The following XKR6 variants were observed in gnomAD, a reference collection of about 807,000 sequenced individuals.
The protein encoded by XKR6 is XK-related protein 6.
XKR6 carries 22 observed loss-of-function variants against 56.7 expected under a neutral mutation model. That is an observed-to-expected ratio of 0.39 (90% CI 0.28 to 0.55). The LOEUF (loss-of-function observed/expected upper bound fraction) is 0.55, where lower values mean the gene tolerates loss of function less well. XKR6 is among the 20% of genes least tolerant of loss of function. The probability of loss-of-function intolerance (pLI) is 0.66; values close to 1 mark genes in which losing one functional copy is unlikely to be tolerated. For missense variants in XKR6, 852 were observed against 889.0 expected, an observed-to-expected ratio of 0.96 and a Z score of 0.53; for synonymous variants, 524 against 387.8, an observed-to-expected ratio of 1.35 and a Z score of -4.13.
At chr8:10,999,075 A>C (rs1480216810) in intron 1 of XKR6, among the ~76,000 whole-genome samples, 2 of 152,138 alleles carry the variant, frequency 1.3e-5, no homozygotes, top group Admixed American at 6.5e-5. Flanking sequence ...TCTTACAAAA[A>C]CGTTTGTTTT....
intron 1 of XKR6, among the ~76,000 whole-genome samples, chr8:10,948,560 T>C (rs1464485249): frequency 6.6e-6 from 1 of 152,160 alleles, no homozygotes; most frequent in African/African-American, 2.4e-5. Flanking sequence ...CCTGGTCGGC[T>C]GCCCAGAGAT....
chr8:11,126,226 G>A (rs188034586), intron 1 of XKR6, among the ~76,000 whole-genome samples: 2 of 151,792 alleles, frequency 1.3e-5, no homozygotes, highest in Admixed American at 6.6e-5. Flanking sequence ...GCACTACCAC[G>A]CCCGGCTAAT....
At chr8:11,144,333 C>A (rs1277561964) in intron 1 of XKR6, among the ~76,000 whole-genome samples, 2 of 148,580 alleles carry the variant, frequency 1.3e-5, no homozygotes, top group African/African-American at 2.5e-5. Context: ...GGGTATAACC[C>A]CAGAAGGAAA....
At chr8:11,033,943 G>C (rs1392227113) in intron 1 of XKR6, among the ~76,000 whole-genome samples, 1 of 152,188 alleles carries the variant, frequency 6.6e-6, no homozygotes, top group Non-Finnish European at 1.5e-5. Context: ...AAGCAGCTTG[G>C]CCAGCCAGGA....
intron 1 of XKR6, among the ~76,000 whole-genome samples, chr8:11,190,727 C>T (rs968747299): frequency 6.6e-6 from 1 of 152,210 alleles, no homozygotes; most frequent in African/African-American, 2.4e-5. Context: ...ATAAGCCAGA[C>T]AACAACGTCC....
chr8:11,100,794 T>C (rs142029642), intron 1 of XKR6, among the ~76,000 whole-genome samples: 428 of 152,354 alleles, frequency 2.8e-3, no homozygotes, highest in Non-Finnish European at 4.8e-3. Flanking sequence ...CTGTTTTTAG[T>C]TTGGCTATGA....
chr8:11,126,063 T>G lies in XKR6; in HGVS notation c.764+74513A>C, dbSNP rs374351782. 150 of 152,458 alleles carry G rather than the reference T, an allele frequency of 9.8e-4. 5 individuals are homozygous for G. The East Asian group carries it at 0.026, about 27-fold the overall frequency. 9.4% of individuals were successfully genotyped at this position (152,458 alleles called of 1,614,324 possible). A position where few individuals can be genotyped will look rare whatever the true frequency, so the allele number is the denominator to read the frequency against. On this transcript the variant is annotated intron_variant, in intron 1 of 2. Transcript: ENST00000416569. The stretch of plus-strand genomic sequence containing the variant: ...CAGTTTTTTTTTGGTGGTTTTTGTT[T>G]TTTTTTTTTTGTTTTGTTTTTTTGA...
chr8:10,952,718 C>T (rs1054063355), intron 1 of XKR6, among the ~76,000 whole-genome samples: 5 of 152,174 alleles, frequency 3.3e-5, no homozygotes, highest in African/African-American at 1.2e-4. Flanking sequence ...GAGGTGGGGC[C>T]TGGTGGGAGG....
At chr8:11,155,208 G>C (rs1801459567) in intron 1 of XKR6, among the ~76,000 whole-genome samples, 1 of 152,154 alleles carries the variant, frequency 6.6e-6, no homozygotes, top group Non-Finnish European at 1.5e-5. Flanking sequence ...TGTTACCAAA[G>C]CCTTACTGTC....
intron 1 of XKR6, among the ~76,000 whole-genome samples, chr8:11,090,821 A>C (rs1798042272): frequency 6.6e-6 from 1 of 152,182 alleles, no homozygotes; most frequent in African/African-American, 2.4e-5. Context: ...TCTGCCTACC[A>C]TCTGGGGCTT....
rs989216550 is a variant in XKR6 at position 11,110,398 on chromosome 8, C to T, written c.764+90178G>A. 3.3e-5 allele frequency among the ~76,000 whole-genome samples: 5 copies of T among 152,174 alleles called. No homozygotes were observed. In the East Asian group the frequency reaches 9.6e-4, roughly 29 times the overall value. ...GGGTAGACTATTCAGCTTCCAAAAG[C>T]CATCTAATAGAAATGTTATGAAAAC... On this transcript the variant is annotated intron_variant, in intron 1 of 2. Coordinates refer to ENST00000416569, the MANE Select transcript of XKR6 (RefSeq NM_173683.4).
At chr8:11,196,666 T>G (rs1354335005) in intron 1 of XKR6, among the ~76,000 whole-genome samples, 1 of 152,276 alleles carries the variant, frequency 6.6e-6, no homozygotes, top group Non-Finnish European at 1.5e-5. Flanking sequence ...GGAATAAGCC[T>G]GAAATCCAGT....
chr8:11,106,921 C>T (rs950950409), intron 1 of XKR6, among the ~76,000 whole-genome samples: 3 of 150,702 alleles, frequency 2.0e-5, no homozygotes, highest in Admixed American at 6.6e-5. Context: ...CAACCCAGAT[C>T]CTTCAGCCCA....
At position 10,898,855 on chromosome 8, in the gene XKR6, C is replaced by T. The variant is rs1799958660; in HGVS notation, c.1023G>A (p.Leu341=). 6.2e-7 allele frequency: 1 copy of T among 1,613,920 alleles called. No individual in the cohort carries two copies. The highest frequency in any genetic ancestry group is 8.5e-7 in the Non-Finnish European group (1 of 1,179,976). The change falls in exon 3 of 3, where the codon CTG becomes CTA. Residue 341 remains leucine (L), a synonymous_variant. Transcript: ENST00000416569. The surrounding 1 kb of genome is among the most constrained non-coding windows in gnomAD (Gnocchi z 6.6). ...LAWVLASYHK[L]LRDSRDDKKS... is the part of the protein sequence containing the mutation. ...TCTTGTCGTCCCTGGAGTCCCGCAG[C>T]AGCTTGTGATAGGAGGCTAGCACCC...
intron 1 of XKR6, among the ~76,000 whole-genome samples, chr8:11,152,681 G>C (rs1199051042): frequency 6.6e-6 from 1 of 152,168 alleles, no homozygotes; most frequent in Non-Finnish European, 1.5e-5. Context: ...TGTATAACAA[G>C]TGAACAGAAC....
At chr8:11,123,223 T>C (rs1424483701) in intron 1 of XKR6, among the ~76,000 whole-genome samples, 3 of 131,942 alleles carry the variant, frequency 2.3e-5, no homozygotes, top group East Asian at 4.4e-4. Flanking sequence ...GGTGGCAGAG[T>C]GACTCTGTGT....
intron 1 of XKR6, among the ~76,000 whole-genome samples, chr8:11,165,090 C>CATTTTTTTTTTTTTTTTTTTTTTT (rs762270947): frequency 1.2e-5 from 1 of 82,472 alleles, no homozygotes. Flanking sequence ...AGGCTATCAC[C>CATTTTTTTTTTTTTTTTTTTTTTT]TTTTTTTTTT....
At chr8:10,915,721 G>T (rs1460337300) in intron 2 of XKR6, among the ~76,000 whole-genome samples, 6 of 152,204 alleles carry the variant, frequency 3.9e-5, no homozygotes, top group Admixed American at 2.6e-4. Context: ...AGCAGGACTT[G>T]CTATAGACGC....
chr8:10,902,729 CAAG>C (rs1800071579), intron 2 of XKR6, among the ~76,000 whole-genome samples: 1 of 152,320 alleles, frequency 6.6e-6, no homozygotes, highest in Non-Finnish European at 1.5e-5. Context: ...TGCCCAAGAC[CAAG>C]AAGAACACCT....
Sources: allele counts gnomAD v4.1 joint callset (sites outside exome capture counted in the v4.1 genomes callset), GRCh38; gene constraint gnomAD v4.1.1; non-coding constraint Gnocchi (gnomAD v3.1); transcripts MANE v1.5; gene names NCBI Gene and HGNC (gene_info 2026-07-23, HGNC 2026-07-21).